Variants in PLEKHD1 observed in about 807,000 individuals in gnomAD.
PLEKHD1 encodes the protein pleckstrin homology and coiled-coil domain containing D1.
A neutral mutation model predicts 69.2 loss-of-function variants in PLEKHD1; 51 were observed. The observed-to-expected ratio is 0.74, with a 90% CI of 0.59 to 0.93. The LOEUF is 0.93. PLEKHD1 is among the 40% of genes least tolerant of loss of function. PLEKHD1 has a pLI of 0.00. For synonymous variants in PLEKHD1, 236 were observed against 244.7 expected (o/e 0.96, Z 0.33); for missense variants, 584 against 641.0 (o/e 0.91, Z 0.96).
At chr14:69,472,996 C>A in the PLEKHD1 span, among the ~76,000 whole-genome samples, 3 of 152,172 alleles carry the variant, frequency 2.0e-5, no homozygotes, top group Non-Finnish European at 2.9e-5. Context: ...TTATGAGAAT[C>A]TAATGCCTGA....
chr14:69,497,274 G>A (rs951462439), intron 1 of PLEKHD1, among the ~76,000 whole-genome samples: 13 of 152,244 alleles, frequency 8.5e-5, no homozygotes, highest in African/African-American at 3.1e-4. Flanking sequence ...CCCAACCCCA[G>A]CCGGAAAATG....
rs371470044 is a variant in PLEKHD1 at position 69,529,700 on chromosome 14, G to C, written c.*1281G>C. 6.6e-6 allele frequency: 1 copy of C among 152,274 alleles called. No homozygotes were observed. The highest frequency in any genetic ancestry group is 1.5e-5 in the Non-Finnish European group (1 of 68,086). 9.4% of individuals were successfully genotyped at this position (152,274 alleles called of 1,614,324 possible). ...CAGCTGCCCCTGCTTCAGTCACCTTGCTGCCTCCTCTCCCTGCAGAGATTT... is the reference window on the plus strand; with the variant it reads ...CAGCTGCCCCTGCTTCAGTCACCTTCCTGCCTCCTCTCCCTGCAGAGATTT... On this transcript the variant is annotated 3_prime_UTR_variant, in exon 13 of 13. Coordinates refer to ENST00000322564, the MANE Select transcript of PLEKHD1 (RefSeq NM_001161498.2).
chr14:69,529,204 G>A lies in PLEKHD1; in HGVS notation c.*785G>A, dbSNP rs1018535228. ...ACCTAGGGCCCTGGCTGGGAGCTGG[G>A]GCCAGCAGTGATGCTGGGGGCTCCC... On this transcript the variant is annotated 3_prime_UTR_variant, in exon 13 of 13. Transcript: ENST00000322564. 2 of 152,360 alleles carry A rather than the reference G, an allele frequency of 1.3e-5. No individual in the cohort carries two copies. The highest frequency in any genetic ancestry group is 2.9e-5 in the Non-Finnish European group (2 of 68,192). The allele number at this position is 152,360 out of a possible 1,614,324, so 9.4% of individuals were successfully genotyped here. A position where few individuals can be genotyped will look rare whatever the true frequency, so the allele number is the denominator to read the frequency against.
intron 6 of PLEKHD1, among the ~76,000 whole-genome samples, chr14:69,505,431 CA>C (rs1395632026): frequency 6.6e-6 from 1 of 152,174 alleles, no homozygotes; most frequent in Non-Finnish European, 1.5e-5. Context: ...GCCGCTGAGG[CA>C]ATTGATGTAA....
intron 6 of PLEKHD1, among the ~76,000 whole-genome samples, chr14:69,504,620 C>T (rs996990161): frequency 2.0e-5 from 3 of 152,144 alleles, no homozygotes; most frequent in Non-Finnish European, 2.9e-5. Context: ...GGACAATCCA[C>T]CCTCATTTTT....
the PLEKHD1 span, among the ~76,000 whole-genome samples, chr14:69,478,843 A>G: frequency 1.3e-5 from 2 of 152,300 alleles, no homozygotes; most frequent in African/African-American, 2.4e-5. Flanking sequence ...AAACCGTTCC[A>G]ACCTCTGTCT....
intron 8 of PLEKHD1, among the ~76,000 whole-genome samples, chr14:69,525,083 T>C (rs1345485702): frequency 6.6e-6 from 1 of 152,174 alleles, no homozygotes; most frequent in Non-Finnish European, 1.5e-5. Flanking sequence ...GCTTCTCTGA[T>C]TTTCAAGGCA....
intron 1 of PLEKHD1, among the ~76,000 whole-genome samples, chr14:69,498,703 A>C (rs1431455202): frequency 6.8e-6 from 1 of 147,912 alleles, no homozygotes; most frequent in African/African-American, 2.5e-5. Flanking sequence ...GCTGGAGTGC[A>C]GTGGCGTGAT....
At chr14:69,518,468 G>A (rs996935774) in intron 6 of PLEKHD1, among the ~76,000 whole-genome samples, 7 of 152,290 alleles carry the variant, frequency 4.6e-5, no homozygotes, top group Middle Eastern at 3.4e-3. Flanking sequence ...CAATAAATAT[G>A]TGTAGCATGA....
chr14:69,494,332 A>G (rs533622976), intron 1 of PLEKHD1, among the ~76,000 whole-genome samples: 15 of 152,126 alleles, frequency 9.9e-5, no homozygotes, highest in African/African-American at 3.1e-4. Flanking sequence ...AACATTGGCT[A>G]CCCCAACCCT....
the PLEKHD1 span, among the ~76,000 whole-genome samples, chr14:69,470,267 A>G: frequency 6.6e-6 from 1 of 151,782 alleles, no homozygotes; most frequent in African/African-American, 2.4e-5. Flanking sequence ...GTTCAAGACC[A>G]ACCTGGGCAA....
chr14:69,500,438 G>A, intron 2 of PLEKHD1, 139 bp from the exon 3 acceptor site: 1 of 726,442 alleles, frequency 1.4e-6, no homozygotes, highest in African/African-American at 1.8e-5. Flanking sequence ...CATCAGTTCT[G>A]GCCTCTGTCC....
chr14:69,526,998 T>C (rs1406609406), intron 10 of PLEKHD1, among the ~76,000 whole-genome samples, 169 bp downstream of exon 10: 1 of 152,192 alleles, frequency 6.6e-6, no homozygotes, highest in East Asian at 1.9e-4. Context: ...TGCTGCATCA[T>C]TGACAGACAC....
In PLEKHD1 at chr14:69,528,564, C is replaced by A; in HGVS notation, c.*145C>A. Reference sequence around the variant, plus strand: ...TCTGGGCCGGAGCTCCACTTGGGGGCCAGCCTTGCCCTCAAAGGACATGGA... The same window carrying A: ...TCTGGGCCGGAGCTCCACTTGGGGGACAGCCTTGCCCTCAAAGGACATGGA... On this transcript the variant is annotated 3_prime_UTR_variant, in exon 13 of 13. Transcript: ENST00000322564. 2 of 1,120,298 alleles carry A rather than the reference C, an allele frequency of 1.8e-6. No individual in the cohort carries two copies. The highest frequency in any genetic ancestry group is 2.5e-6 in the Non-Finnish European group (2 of 811,066). 69.4% of individuals were successfully genotyped at this position (1,120,298 alleles called of 1,614,324 possible).
intron 1 of PLEKHD1, among the ~76,000 whole-genome samples, chr14:69,487,970 G>A (rs189957111): frequency 2.0e-4 from 30 of 152,216 alleles, no homozygotes; most frequent in African/African-American, 2.9e-4. Context: ...TCCCAAGGCC[G>A]GAACCCCTAA....
At chr14:69,486,426 T>C (rs893475604) in intron 1 of PLEKHD1, among the ~76,000 whole-genome samples, 6 of 152,164 alleles carry the variant, frequency 3.9e-5, no homozygotes, top group Non-Finnish European at 7.3e-5. Flanking sequence ...AAGTTCAGCT[T>C]ATCTCTGACC....
chr14:69,489,189 T>C (rs1433208289), intron 1 of PLEKHD1, among the ~76,000 whole-genome samples: 1 of 152,190 alleles, frequency 6.6e-6, no homozygotes, highest in East Asian at 1.9e-4. Context: ...ACCTCCAGCT[T>C]GCAGAGAGTT....
At chr14:69,485,232 C>A in intron 1 of PLEKHD1, 118 bp downstream of exon 1, 1 of 1,158,804 alleles carries the variant, frequency 8.6e-7, no homozygotes, top group Non-Finnish European at 1.2e-6. Flanking sequence ...CTTGGCGTCA[C>A]CCCTTTTCAC....
intron 6 of PLEKHD1, among the ~76,000 whole-genome samples, chr14:69,521,450 C>T (rs1883512234): frequency 6.6e-6 from 1 of 152,170 alleles, no homozygotes; most frequent in Non-Finnish European, 1.5e-5. Flanking sequence ...ACAAAGCCCC[C>T]AGGTGAAAAT....
Sources: gnomAD v4.1 joint callset for allele counts (sites outside exome capture counted in the v4.1 genomes callset) on GRCh38, gnomAD v4.1.1 for gene constraint, MANE v1.5 for transcripts, NCBI Gene and HGNC (gene_info 2026-07-23, HGNC 2026-07-21) for gene names.